The following GXYLT2 variants were observed in gnomAD, a reference collection of about 807,000 sequenced individuals.
GXYLT2 encodes glycosyltransferase 8 domain containing 4.
GXYLT2 carries 53 observed loss-of-function variants against 45.8 expected under a neutral mutation model. That is an observed-to-expected ratio of 1.16 (90% CI 0.93 to 1.46). The LOEUF (loss-of-function observed/expected upper bound fraction) is 1.46, where lower values mean the gene tolerates loss of function less well. GXYLT2 is among the 40% of genes most tolerant of loss of function. GXYLT2 has a pLI of 0.00. For missense variants in GXYLT2, 551 were observed against 544.4 expected (o/e 1.01, Z -0.12); for synonymous variants, 219 against 214.2 (o/e 1.02, Z -0.19).
intron 2 of GXYLT2, 90 bp downstream of exon 2, chr3:72,908,649 G>T: frequency 1.8e-6 from 2 of 1,091,520 alleles, no homozygotes; most frequent in Middle Eastern, 2.1e-4. Context: ...AATGTATTTT[G>T]CTGCATGTTC....
At chr3:72,905,958 G>A (rs976925328) in intron 1 of GXYLT2, among the ~76,000 whole-genome samples, 1 of 152,110 alleles carries the variant, frequency 6.6e-6, no homozygotes, top group Admixed American at 6.6e-5. Flanking sequence ...TTCTGTTTGG[G>A]GGCAGGTGAG....
In GXYLT2 at chr3:72,908,661, A is replaced by T. The variant is rs940325745; in HGVS notation, c.468+102A>T. 2.8e-5 allele frequency: 27 copies of T among 979,326 alleles called. No homozygotes were observed. The East Asian group carries it at 6.4e-4, about 23-fold the overall frequency. The allele number at this position is 979,326 out of a possible 1,614,324, so 60.7% of individuals were successfully genotyped here. Reference sequence around the variant, plus strand: ...ACTAATGTATTTTGCTGCATGTTCAATTGTGTGACTTTGAACACTTGACTC... The same window carrying T: ...ACTAATGTATTTTGCTGCATGTTCATTTGTGTGACTTTGAACACTTGACTC... On this transcript the variant is annotated intron_variant, in intron 2 of 6. Coordinates refer to ENST00000389617, the MANE Select transcript of GXYLT2 (RefSeq NM_001080393.2).
At chr3:72,973,243 C>T (rs1711030301) in intron 6 of GXYLT2, among the ~76,000 whole-genome samples, 1 of 152,142 alleles carries the variant, frequency 6.6e-6, no homozygotes, top group South Asian at 2.1e-4. Flanking sequence ...CTTGTAAGTC[C>T]TAGACTTATC....
chr3:72,919,065 C>T (rs538738180), intron 2 of GXYLT2, among the ~76,000 whole-genome samples: 225 of 152,280 alleles, frequency 1.5e-3, no homozygotes, highest in African/African-American at 5.1e-3. Context: ...CTTTGGAAGA[C>T]GGTTTGGCAG....
intron 2 of GXYLT2, among the ~76,000 whole-genome samples, chr3:72,914,617 C>T (rs1217326462): frequency 6.6e-6 from 1 of 151,906 alleles, no homozygotes; most frequent in African/African-American, 2.4e-5. Flanking sequence ...GAGGGGGTGG[C>T]AAGAAGAGAG....
rs905498680 is a variant in GXYLT2 at position 72,976,328 on chromosome 3, C to T, written c.*1169C>T. 1.1e-4 allele frequency: 17 copies of T among 152,186 alleles called. No individual in the cohort carries two copies. The highest frequency in any genetic ancestry group is 2.9e-5 in the Non-Finnish European group (2 of 68,030). 9.4% of individuals were successfully genotyped at this position (152,186 alleles called of 1,614,324 possible). ...CAACAATAGCTTCTGAGAGGAAATTCAGGAATGTTTGTGTTTACCACAGAC... is the reference window on the plus strand; with the variant it reads ...CAACAATAGCTTCTGAGAGGAAATTTAGGAATGTTTGTGTTTACCACAGAC... On this transcript the variant is annotated 3_prime_UTR_variant, in exon 7 of 7. Coordinates refer to ENST00000389617, the MANE Select transcript of GXYLT2 (RefSeq NM_001080393.2).
intron 1 of GXYLT2, among the ~76,000 whole-genome samples, chr3:72,893,440 G>A (rs1221506824): frequency 6.6e-6 from 1 of 152,120 alleles, no homozygotes; most frequent in East Asian, 1.9e-4. Flanking sequence ...AGCCGCTCGA[G>A]TACTCCTCTC....
At chr3:72,960,196 T>C (rs1168719031) in intron 5 of GXYLT2, among the ~76,000 whole-genome samples, 1 of 152,190 alleles carries the variant, frequency 6.6e-6, no homozygotes, top group Non-Finnish European at 1.5e-5. Context: ...TGAGGGATTA[T>C]AGGCGTGAGC....
chr3:72,974,740 G>C (rs942862215), intron 6 of GXYLT2, among the ~76,000 whole-genome samples: 74 of 152,218 alleles, frequency 4.9e-4, no homozygotes, highest in Admixed American at 1.6e-3. Flanking sequence ...AAGCCACCAT[G>C]CCTAGCCTTT....
intron 3 of GXYLT2, among the ~76,000 whole-genome samples, chr3:72,949,162 A>G (rs1559745775): frequency 6.6e-6 from 1 of 152,176 alleles, no homozygotes; most frequent in South Asian, 2.1e-4. Context: ...ATTTGTCAAC[A>G]TAGTTCCTGA....
chr3:72,895,974 G>A (rs751680713), intron 1 of GXYLT2, among the ~76,000 whole-genome samples: 3 of 152,162 alleles, frequency 2.0e-5, no homozygotes, highest in Non-Finnish European at 4.4e-5. Context: ...TCTCTTTTAT[G>A]AGTCAGAAAA....
intron 3 of GXYLT2, among the ~76,000 whole-genome samples, chr3:72,931,885 G>A (rs1318891020): frequency 3.3e-5 from 5 of 151,960 alleles, no homozygotes; most frequent in Non-Finnish European, 5.9e-5. Context: ...CAAACCTTTA[G>A]GTAGACTGAG....
intron 5 of GXYLT2, among the ~76,000 whole-genome samples, 169 bp from the exon 6 acceptor site, chr3:72,967,378 C>T (rs1187905916): frequency 1.3e-5 from 2 of 152,114 alleles, no homozygotes; most frequent in Admixed American, 1.3e-4. Flanking sequence ...TTCTTGATCT[C>T]AGAATTTTGA....
At chr3:72,971,912 G>A (rs1710991986) in intron 6 of GXYLT2, among the ~76,000 whole-genome samples, 1 of 149,912 alleles carries the variant, frequency 6.7e-6, no homozygotes, top group African/African-American at 2.5e-5. Flanking sequence ...TCGTGCCACT[G>A]CACTCCAGCC....
chr3:72,960,048 C>T (rs113801678), intron 5 of GXYLT2, among the ~76,000 whole-genome samples: 3,963 of 152,206 alleles, frequency 0.026, 76 homozygotes, highest in Non-Finnish European at 0.04. Flanking sequence ...TGGGTTCAAG[C>T]GATTCTTCTG....
chr3:72,964,248 T>G (rs944912796), intron 5 of GXYLT2, among the ~76,000 whole-genome samples: 1 of 152,182 alleles, frequency 6.6e-6, no homozygotes, highest in Non-Finnish European at 1.5e-5. Flanking sequence ...CTGTTTGTTT[T>G]CTGCCTTGGA....
chr3:72,955,139 C>T lies in GXYLT2; in HGVS notation c.642C>T (p.Thr214=), dbSNP rs769476931. The T allele has an allele frequency of 4.3e-6, 7 of 1,613,848 alleles. No individual in the cohort carries two copies. Among genetic ancestry groups the T allele is most frequent in the Middle Eastern group, 1.6e-4 (1 of 6,062 alleles). The stretch of plus-strand genomic sequence containing the variant: ...TGGACTCACTTCTCTACGTGGACAC[C>T]GATGTCCTCTTTCTGAGACCTGTTG... The part of the protein sequence containing the change: ...KDVDSLLYVD[T]DVLFLRPVDD... Residue 214 remains threonine (T), a synonymous_variant, in exon 4 of 7, where the codon ACC becomes ACT. Transcript: ENST00000389617.
intron 1 of GXYLT2, among the ~76,000 whole-genome samples, chr3:72,905,744 C>T (rs1369978338): frequency 6.6e-6 from 1 of 152,198 alleles, no homozygotes; most frequent in Non-Finnish European, 1.5e-5. Flanking sequence ...ACACTGCCCC[C>T]ACCAGCGCCT....
rs567578860 is a variant in GXYLT2 at position 72,918,922 on chromosome 3, A to G, written c.469-3282A>G. ...TGATTAGAGCATTGTAACTTAAGAT[A>G]ACAATGAAACACCACTACACACCTA... On this transcript the variant is annotated intron_variant, in intron 2 of 6. Coordinates refer to ENST00000389617, the MANE Select transcript of GXYLT2 (RefSeq NM_001080393.2). Among the ~76,000 whole-genome samples, 183 of 152,344 alleles carry G rather than the reference A, an allele frequency of 1.2e-3. 2 individuals carry two copies. The highest frequency in any genetic ancestry group is 4.2e-3 in the African/African-American group (175 of 41,592).
Sources: gnomAD v4.1 joint callset for allele counts (sites outside exome capture counted in the v4.1 genomes callset) on GRCh38, gnomAD v4.1.1 for gene constraint, MANE v1.5 for transcripts, NCBI Gene and HGNC (gene_info 2026-07-23, HGNC 2026-07-21) for gene names.